Variants in EYS observed in about 807,000 individuals in gnomAD.
The protein encoded by EYS is protein eyes shut homolog.
EYS carries 250 observed loss-of-function variants against 282.1 expected under a neutral mutation model. That is an observed-to-expected ratio of 0.89 (90% CI 0.80 to 0.98). The LOEUF (loss-of-function observed/expected upper bound fraction) is 0.98. EYS is among the 50% of genes least tolerant of loss of function. The probability of loss-of-function intolerance (pLI) is 0.00; values close to 1 mark genes in which losing one functional copy is unlikely to be tolerated. For synonymous variants in EYS, 1,355 were observed against 1,282.9 expected (o/e 1.06, Z -1.20); for missense variants, 4,016 against 3,709.0 (o/e 1.08, Z -2.15).
intron 26 of EYS, among the ~76,000 whole-genome samples, chr6:64,478,279 A>T (rs1776333996): frequency 6.6e-6 from 1 of 151,858 alleles, no homozygotes; most frequent in South Asian, 2.1e-4. Context: ...CTTTTCCCCC[A>T]TTTGAATGTA....
intron 36 of EYS, among the ~76,000 whole-genome samples, chr6:63,848,951 C>T (rs1412894024): frequency 6.6e-6 from 1 of 152,168 alleles, no homozygotes; most frequent in Non-Finnish European, 1.5e-5. Context: ...TTCTTGCTGC[C>T]AGCACAGCAG....
intron 30 of EYS, among the ~76,000 whole-genome samples, chr6:64,240,396 T>C (rs1205786401): frequency 6.6e-6 from 1 of 152,246 alleles, no homozygotes; most frequent in African/African-American, 2.4e-5. Flanking sequence ...CATGGAATGT[T>C]TTTCCATTTG....
At chr6:65,182,277 G>GA (rs953057850) in intron 12 of EYS, among the ~76,000 whole-genome samples, 1 of 150,900 alleles carries the variant, frequency 6.6e-6, no homozygotes, top group Non-Finnish European at 1.5e-5. Flanking sequence ...AATGTTAAAA[G>GA]AAAAAAGAGA....
At chr6:64,657,183 C>CT (rs897823731) in intron 22 of EYS, among the ~76,000 whole-genome samples, 3 of 151,916 alleles carry the variant, frequency 2.0e-5, no homozygotes, top group African/African-American at 2.4e-5. Flanking sequence ...CAACCCCTGC[C>CT]TTTTTTTGTT....
chr6:64,478,417 A>G (rs989051679), intron 26 of EYS, among the ~76,000 whole-genome samples: 1 of 151,558 alleles, frequency 6.6e-6, no homozygotes, highest in Non-Finnish European at 1.5e-5. Context: ...TTTAATATTT[A>G]AATGTTTTTA....
intron 22 of EYS, among the ~76,000 whole-genome samples, chr6:64,770,674 T>C (rs958716496): frequency 6.6e-6 from 1 of 152,044 alleles, no homozygotes; most frequent in East Asian, 1.9e-4. Flanking sequence ...AACATCACTA[T>C]CACAGTCAAA....
intron 22 of EYS, among the ~76,000 whole-genome samples, chr6:64,661,976 AC>A (rs1769043536): frequency 6.6e-6 from 1 of 151,834 alleles, no homozygotes; most frequent in African/African-American, 2.4e-5. Flanking sequence ...AAGACTTGGA[AC>A]CAACCCAAAT....
At chr6:64,337,424 A>C (rs905765291) in intron 29 of EYS, among the ~76,000 whole-genome samples, 3 of 152,110 alleles carry the variant, frequency 2.0e-5, no homozygotes, top group African/African-American at 7.2e-5. Context: ...TCCTAGCTTA[A>C]ATCAGGAAGA....
intron 9 of EYS, among the ~76,000 whole-genome samples, chr6:65,346,095 C>A (rs1247607422): frequency 6.6e-6 from 1 of 151,664 alleles, no homozygotes; most frequent in African/African-American, 2.4e-5. Context: ...ATCTCAGGAG[C>A]GCCTGCCTTA....
At chr6:64,346,349 A>G (rs1460888073) in intron 29 of EYS, among the ~76,000 whole-genome samples, 2 of 152,088 alleles carry the variant, frequency 1.3e-5, no homozygotes, top group African/African-American at 4.8e-5. Flanking sequence ...TGTCACATAC[A>G]CACCATGGAA....
intron 14 of EYS, among the ~76,000 whole-genome samples, chr6:64,946,633 C>T (rs116175273): frequency 1.1e-3 from 164 of 151,970 alleles, no homozygotes; most frequent in African/African-American, 3.3e-3. Context: ...ATTATAAAAA[C>T]GGTAAAATCA....
At position 64,439,299 on chromosome 6, in the gene EYS, C is replaced by A. The variant is rs1297153440; in HGVS notation, c.5698G>T (p.Ala1900Ser). 4 of 1,520,748 alleles carry A rather than the reference C, an allele frequency of 2.6e-6. No homozygotes were observed. Among genetic ancestry groups the A allele is most frequent in the African/African-American group, 1.4e-5 (1 of 71,004 alleles). 94.2% of individuals were successfully genotyped at this position (1,520,748 alleles called of 1,614,324 possible). A position where few individuals can be genotyped will look rare whatever the true frequency, so the allele number is the denominator to read the frequency against. Residue 1900 changes from alanine (A) to serine (S), a missense_variant, in exon 27 of 43, where the codon GCT becomes TCT. Coordinates refer to ENST00000503581, the MANE Select transcript of EYS (RefSeq NM_001142800.2). ...GDSYLEFQNV[A>S]LNPQNNISLE... ...GAGATGTTATTTTGTGGATTTAAAGCCACATTCTGAAATTCTAGATAAGAA... is the reference window on the plus strand; with the variant it reads ...GAGATGTTATTTTGTGGATTTAAAGACACATTCTGAAATTCTAGATAAGAA...
chr6:65,613,478 G>A (rs1368115084), intron 2 of EYS, among the ~76,000 whole-genome samples: 1 of 151,758 alleles, frequency 6.6e-6, no homozygotes, highest in East Asian at 1.9e-4. Context: ...TGGTACACTG[G>A]GTAAGATCAT....
intron 26 of EYS, among the ~76,000 whole-genome samples, chr6:64,480,730 C>A (rs1321141991): frequency 1.3e-5 from 2 of 151,736 alleles, no homozygotes; most frequent in African/African-American, 4.8e-5. Context: ...TTGTCAAATG[C>A]AGTTTAGCTA....
intron 22 of EYS, among the ~76,000 whole-genome samples, chr6:64,732,097 T>C (rs892180625): frequency 3.3e-5 from 5 of 151,708 alleles, no homozygotes; most frequent in Non-Finnish European, 5.9e-5. Flanking sequence ...CACTCATAAG[T>C]GGGAGTTGAA....
chr6:64,184,399 G>A (rs913569675), intron 31 of EYS, among the ~76,000 whole-genome samples: 2 of 152,110 alleles, frequency 1.3e-5, no homozygotes. Context: ...TTTTTCAAAA[G>A]TAAAGTAGGT....
chr6:63,855,310 T>C (rs1401536696), intron 36 of EYS, among the ~76,000 whole-genome samples: 1 of 152,230 alleles, frequency 6.6e-6, no homozygotes, highest in African/African-American at 2.4e-5. Flanking sequence ...CCTTGGGTTA[T>C]TACACAGATT....
chr6:65,039,249 C>A (rs1162808909), intron 13 of EYS, among the ~76,000 whole-genome samples: 1 of 151,486 alleles, frequency 6.6e-6, no homozygotes, highest in Non-Finnish European at 1.5e-5. Context: ...TTTCCACCAT[C>A]ATTTTTTAAA....
chr6:65,695,563 A>T (rs953010010), intron 1 of EYS, among the ~76,000 whole-genome samples: 1 of 152,058 alleles, frequency 6.6e-6, no homozygotes, highest in Non-Finnish European at 1.5e-5. Context: ...AGTGAAGGAA[A>T]AAGAGAGAGG....
Sources: allele counts gnomAD v4.1 joint callset (sites outside exome capture counted in the v4.1 genomes callset), GRCh38; gene constraint gnomAD v4.1.1; transcripts MANE v1.5; gene names NCBI Gene and HGNC (gene_info 2026-07-23, HGNC 2026-07-21).